The following SLC44A5 variants were observed in gnomAD, a reference collection of about 807,000 sequenced individuals.
SLC44A5 encodes solute carrier family 44 member 5.
In SLC44A5, 57 loss-of-function variants were observed where a neutral mutation model predicts 101.8. The observed-to-expected ratio is 0.56, with a 90% confidence interval of 0.45 to 0.70. The LOEUF (loss-of-function observed/expected upper bound fraction) is 0.70, where lower values mean the gene tolerates loss of function less well. SLC44A5 is among the 30% of genes least tolerant of loss of function. The probability of loss-of-function intolerance (pLI) is 0.00; values close to 1 mark genes in which losing one functional copy is unlikely to be tolerated. For missense variants in SLC44A5, 737 were observed against 853.1 expected (o/e 0.86, Z 1.70); for synonymous variants, 281 against 290.9 (o/e 0.97, Z 0.35).
At chr1:75,638,734 A>G in the SLC44A5 span, among the ~76,000 whole-genome samples, 1 of 152,064 alleles carries the variant, frequency 6.6e-6, no homozygotes, top group South Asian at 2.1e-4. Context: ...CAAAAAACAA[A>G]ATTCATTATT....
intron 3 of SLC44A5, among the ~76,000 whole-genome samples, chr1:75,385,535 A>G (rs1240369977): frequency 6.6e-6 from 1 of 152,208 alleles, no homozygotes; most frequent in African/African-American, 2.4e-5. Flanking sequence ...GAATAGACCA[A>G]TAACAGGCTC....
intron 1 of SLC44A5, among the ~76,000 whole-genome samples, chr1:75,587,729 T>C (rs1321483624): frequency 6.6e-6 from 1 of 152,216 alleles, no homozygotes; most frequent in Non-Finnish European, 1.5e-5. Flanking sequence ...TGAAAGATAA[T>C]GAAATGGCAA....
the SLC44A5 span, among the ~76,000 whole-genome samples, chr1:75,718,495 T>C: frequency 6.6e-6 from 1 of 152,148 alleles, no homozygotes. Context: ...CTGGAGGACA[T>C]AAAATGATCT....
intron 3 of SLC44A5, among the ~76,000 whole-genome samples, chr1:75,385,273 G>A (rs991562454): frequency 6.8e-6 from 1 of 146,510 alleles, no homozygotes; most frequent in African/African-American, 2.6e-5. Context: ...CCAGGAGCTG[G>A]TTTTTTGAAA....
rs1312425271 is a variant in SLC44A5, at chr1:75,340,836, G to A, written c.53-1206C>T. ...CAAAATATAAACCTCGCAAACAAGAGAAGCAGAGAAATCTGGCTTTCAGAA... is the reference window on the plus strand; with the variant it reads ...CAAAATATAAACCTCGCAAACAAGAAAAGCAGAGAAATCTGGCTTTCAGAA... On this transcript the variant is annotated intron_variant, in intron 3 of 23. Transcript: ENST00000370859. 2.0e-5 allele frequency among the ~76,000 whole-genome samples: 3 copies of A among 152,356 alleles called. No homozygotes were observed. The East Asian group carries it at 5.8e-4, about 29-fold the overall frequency.
At chr1:75,397,175 T>C (rs754493276) in intron 2 of SLC44A5, among the ~76,000 whole-genome samples, 10 of 152,184 alleles carry the variant, frequency 6.6e-5, no homozygotes, top group Non-Finnish European at 1.5e-4. Flanking sequence ...TAACTATGAA[T>C]GACTCTATTC....
chr1:75,556,464 T>A (rs1254131506), intron 1 of SLC44A5, among the ~76,000 whole-genome samples: 1 of 152,158 alleles, frequency 6.6e-6, no homozygotes, highest in African/African-American at 2.4e-5. Context: ...GTTGGAATAA[T>A]GATATTGGCA....
intron 2 of SLC44A5, among the ~76,000 whole-genome samples, chr1:75,458,684 A>T (rs1440317644): frequency 1.3e-5 from 2 of 152,172 alleles, no homozygotes; most frequent in African/African-American, 4.8e-5. Context: ...GATACTATCT[A>T]CCTTTCACAA....
At chr1:75,303,321 C>T (rs1160866398) in intron 4 of SLC44A5, among the ~76,000 whole-genome samples, 8 of 152,086 alleles carry the variant, frequency 5.3e-5, no homozygotes, top group South Asian at 2.1e-4. Context: ...CTGCAACCTC[C>T]GACTCCCTGG....
chr1:75,522,274 G>A (rs548887897), intron 2 of SLC44A5: 2 of 151,910 alleles, frequency 1.3e-5, no homozygotes, highest in East Asian at 3.9e-4. Context: ...TAATGCACCA[G>A]TGTGTTATGG....
At chr1:75,640,640 A>G in the SLC44A5 span, among the ~76,000 whole-genome samples, 1 of 152,098 alleles carries the variant, frequency 6.6e-6, no homozygotes, top group Non-Finnish European at 1.5e-5. Flanking sequence ...ATAACAATCT[A>G]TCATTTGTGC....
At chr1:75,632,077 A>G in the SLC44A5 span, among the ~76,000 whole-genome samples, 1 of 152,064 alleles carries the variant, frequency 6.6e-6, no homozygotes, top group Non-Finnish European at 1.5e-5. Flanking sequence ...TCCTGTGCAC[A>G]TATTACCCAC....
At chr1:75,479,046 A>T (rs1026133483) in intron 2 of SLC44A5, among the ~76,000 whole-genome samples, 1 of 152,234 alleles carries the variant, frequency 6.6e-6, no homozygotes, top group Non-Finnish European at 1.5e-5. Context: ...ATTATAAGAA[A>T]CTATCTCTCA....
At chr1:75,714,937 G>C in the SLC44A5 span, among the ~76,000 whole-genome samples, 1 of 152,190 alleles carries the variant, frequency 6.6e-6, no homozygotes, top group Non-Finnish European at 1.5e-5. Context: ...GCATCCCAAA[G>C]TGCTGGGATT....
chr1:75,227,619 A>G, intron 13 of SLC44A5, 107 bp downstream of exon 13: 1 of 777,264 alleles, frequency 1.3e-6, no homozygotes, highest in Non-Finnish European at 1.9e-6. Flanking sequence ...TTATGACACT[A>G]GTGATAAATA....
intron 5 of SLC44A5, among the ~76,000 whole-genome samples, chr1:75,286,407 G>T (rs765459568): frequency 6.6e-5 from 10 of 152,016 alleles, no homozygotes; most frequent in Non-Finnish European, 1.2e-4. Flanking sequence ...TAGTTCGTTC[G>T]TGAATTCTTG....
the SLC44A5 span, among the ~76,000 whole-genome samples, chr1:75,659,190 C>T: frequency 6.6e-6 from 1 of 151,246 alleles, no homozygotes; most frequent in African/African-American, 2.4e-5. Flanking sequence ...AATTCTACCA[C>T]ATGCTAAAGA....
At chr1:75,243,554 A>T (rs373883094) in intron 7 of SLC44A5, among the ~76,000 whole-genome samples, 8 of 152,082 alleles carry the variant, frequency 5.3e-5, no homozygotes, top group African/African-American at 1.9e-4. Context: ...ACAGTGATAG[A>T]CTTATTTTTA....
At chr1:75,396,242 T>C (rs997031208) in intron 3 of SLC44A5, among the ~76,000 whole-genome samples, 1 of 152,074 alleles carries the variant, frequency 6.6e-6, no homozygotes, top group Non-Finnish European at 1.5e-5. Flanking sequence ...AAGGTGTTTA[T>C]TGGAGAGAGA....
Sources: allele counts gnomAD v4.1 joint callset (sites outside exome capture counted in the v4.1 genomes callset), GRCh38; gene constraint gnomAD v4.1.1; transcripts MANE v1.5; gene names NCBI Gene and HGNC (gene_info 2026-07-23, HGNC 2026-07-21).